MAPKAP1: variants seen among roughly 807,000 people sequenced by gnomAD.
MAPKAP1 encodes MAPK associated protein 1, also known as target of rapamycin complex 2 subunit MAPKAP1.
Under a neutral mutation model 65.7 loss-of-function variants are expected in MAPKAP1, and 20 were observed. The observed-to-expected ratio is 0.30, with a 90% confidence interval of 0.21 to 0.44. MAPKAP1 has a LOEUF of 0.44. Ranked by LOEUF, MAPKAP1 falls within the 20% of genes least tolerant of loss-of-function variation. The pLI is 1.00. For missense variants in MAPKAP1, 423 were observed against 648.0 expected (o/e 0.65, Z 3.77); for synonymous variants, 222 against 244.3 (o/e 0.91, Z 0.85).
chr9:125,543,910 C>T (rs1281986253), intron 6 of MAPKAP1, among the ~76,000 whole-genome samples: 1 of 151,940 alleles, frequency 6.6e-6, no homozygotes, highest in Non-Finnish European at 1.5e-5. Flanking sequence ...TCATGGAGCC[C>T]CAGACAAAAA....
chr9:125,595,573 TGA>T lies in MAPKAP1; in HGVS notation c.499-9848_499-9847del. On this transcript the variant is annotated intron_variant, in intron 4 of 11. Transcript: ENST00000265960. The surrounding 1 kb of genome is among the most constrained non-coding windows in gnomAD (Gnocchi z 4.0). ...GATGGGATTCAGTTCAAAATAATCTTGAATTAAGAAATATCATGCTATGTTTG... is the reference window on the plus strand; with the variant it reads ...GATGGGATTCAGTTCAAAATAATCTTATTAAGAAATATCATGCTATGTTTG... 1 of 1,240,062 alleles carries T rather than the reference TGA, an allele frequency of 8.1e-7. No homozygotes were observed. The highest frequency in any genetic ancestry group is 1.0e-6 in the Non-Finnish European group (1 of 983,546). 76.8% of individuals were successfully genotyped at this position (1,240,062 alleles called of 1,614,324 possible).
chr9:125,696,650 C>T (rs973283260), intron 1 of MAPKAP1, among the ~76,000 whole-genome samples: 2 of 151,818 alleles, frequency 1.3e-5, no homozygotes, highest in African/African-American at 4.8e-5. Context: ...TAGTCAGAAG[C>T]AGCCAACAAA....
chr9:125,447,167 C>T lies in MAPKAP1; in HGVS notation c.1346-2569G>A, dbSNP rs1852749152. On this transcript the variant is annotated intron_variant, in intron 10 of 11. Transcript: ENST00000265960. The surrounding 1 kb of genome is among the most constrained non-coding windows in gnomAD (Gnocchi z 4.5). ...TCTGAATTTTGAATGTATTTGGTTGCATGTGGAGGCTGTGTGTGTCTCCTG... is the reference window on the plus strand; with the variant it reads ...TCTGAATTTTGAATGTATTTGGTTGTATGTGGAGGCTGTGTGTGTCTCCTG... 6.6e-6 allele frequency among the ~76,000 whole-genome samples: 1 copy of T among 152,154 alleles called. No individual in the cohort carries two copies. Among genetic ancestry groups the T allele is most frequent in the South Asian group, 2.1e-4 (1 of 4,832 alleles).
Position 125,457,050 on chromosome 9 carries a change from G to A in MAPKAP1, c.1345+10922C>T, listed in dbSNP as rs574517168. ...GCTGTCCAGGCTGGAGTACAGTGGC[G>A]CGATCCTGGCTCACTGCAACCTCTG... On this transcript the variant is annotated intron_variant, in intron 10 of 11. Coordinates refer to ENST00000265960, the MANE Select transcript of MAPKAP1 (RefSeq NM_001006617.3). 1.6e-4 allele frequency among the ~76,000 whole-genome samples: 24 copies of A among 150,298 alleles called. No individual in the cohort carries two copies. In the South Asian group the frequency reaches 1.9e-3, roughly 12 times the overall value.
intron 4 of MAPKAP1, among the ~76,000 whole-genome samples, chr9:125,612,350 G>A (rs1028532589): frequency 3.9e-5 from 6 of 152,168 alleles, no homozygotes; most frequent in African/African-American, 9.7e-5. Context: ...ATACAGCCAT[G>A]CTCAACGAAT....
At chr9:125,613,926 T>C (rs546244253) in intron 4 of MAPKAP1, among the ~76,000 whole-genome samples, 17 of 152,208 alleles carry the variant, frequency 1.1e-4, no homozygotes, top group African/African-American at 3.4e-4. Flanking sequence ...TCCTCCCCAG[T>C]AGCTGGGACT....
intron 8 of MAPKAP1, among the ~76,000 whole-genome samples, chr9:125,495,524 A>G (rs1854912264): frequency 6.6e-6 from 1 of 152,166 alleles, no homozygotes; most frequent in Admixed American, 6.5e-5. Context: ...CCCCAATTAC[A>G]TTTTCCAATA....
Position 125,630,036 on chromosome 9 carries a change from G to A in MAPKAP1, c.498+27615C>T, listed in dbSNP as rs898327969. On this transcript the variant is annotated intron_variant, in intron 4 of 11. Coordinates refer to ENST00000265960, the MANE Select transcript of MAPKAP1 (RefSeq NM_001006617.3). ...AGTGCACTGAGAGGCAGGGGACACT[G>A]AGCCTAGGGTCAACTAAGGCCTTAG... 4.6e-5 allele frequency among the ~76,000 whole-genome samples: 7 copies of A among 152,246 alleles called. 1 individual carries two copies. The highest frequency in any genetic ancestry group is 6.5e-5 in the Admixed American group (1 of 15,292).
chr9:125,546,052 C>G (rs879274285), intron 6 of MAPKAP1, among the ~76,000 whole-genome samples: 1 of 152,196 alleles, frequency 6.6e-6, no homozygotes, highest in Admixed American at 6.5e-5. Flanking sequence ...TGAATGTTAA[C>G]GATAGTGATC....
At chr9:125,681,761 A>C (rs1834827962) in intron 1 of MAPKAP1, among the ~76,000 whole-genome samples, 1 of 152,202 alleles carries the variant, frequency 6.6e-6, no homozygotes, top group Non-Finnish European at 1.5e-5. Flanking sequence ...ATTTTATACT[A>C]CACTGCACCT....
intron 1 of MAPKAP1, among the ~76,000 whole-genome samples, chr9:125,706,224 G>T (rs1055349372): frequency 6.6e-6 from 1 of 151,936 alleles, no homozygotes; most frequent in African/African-American, 2.4e-5. Flanking sequence ...CACCTCTCCT[G>T]CTTGTCAGAG....
At chr9:125,512,805 G>C (rs183651324) in intron 7 of MAPKAP1, 1 of 152,126 alleles carries the variant, frequency 6.6e-6, no homozygotes, top group Non-Finnish European at 1.5e-5. Context: ...GGATGGTCTC[G>C]ATCTCCTGAC....
chr9:125,502,671 T>C (rs1470784857), intron 8 of MAPKAP1, among the ~76,000 whole-genome samples: 1 of 152,218 alleles, frequency 6.6e-6, no homozygotes, highest in Non-Finnish European at 1.5e-5. Context: ...TTTCAATCTT[T>C]TGATATGTAA....
intron 7 of MAPKAP1, among the ~76,000 whole-genome samples, chr9:125,535,274 C>A (rs1266234571): frequency 6.6e-6 from 1 of 152,204 alleles, no homozygotes; most frequent in Non-Finnish European, 1.5e-5. Context: ...AAGGAGCCAT[C>A]AAATAAATCA....
chr9:125,599,973 G>C (rs1250614918), intron 4 of MAPKAP1: 4 of 152,166 alleles, frequency 2.6e-5, no homozygotes, highest in African/African-American at 9.7e-5. Context: ...AAACAAGAAA[G>C]GAGGTTGCTG....
intron 7 of MAPKAP1, among the ~76,000 whole-genome samples, chr9:125,519,912 T>G (rs148099983): frequency 1.3e-5 from 2 of 152,020 alleles, no homozygotes; most frequent in African/African-American, 4.8e-5. Context: ...CAGGAGTCCA[T>G]CCCTACAGCC....
intron 4 of MAPKAP1, among the ~76,000 whole-genome samples, chr9:125,597,632 T>G (rs1404941114): frequency 6.6e-6 from 1 of 152,192 alleles, no homozygotes; most frequent in Non-Finnish European, 1.5e-5. Flanking sequence ...ATAGACAGCT[T>G]AGCTTCTGCA....
At chr9:125,662,013 A>G (rs1309740741) in intron 3 of MAPKAP1, among the ~76,000 whole-genome samples, 1 of 152,184 alleles carries the variant, frequency 6.6e-6, no homozygotes, top group Non-Finnish European at 1.5e-5. Flanking sequence ...CATGAACAAA[A>G]CAATAGAGAA....
intron 4 of MAPKAP1, among the ~76,000 whole-genome samples, chr9:125,610,982 A>G (rs141415360): frequency 3.6e-4 from 55 of 152,384 alleles, no homozygotes; most frequent in African/African-American, 1.1e-3. Flanking sequence ...GAAGCAAAAT[A>G]TAAAATAAAT....
Sources: gnomAD v4.1 joint callset for allele counts (sites outside exome capture counted in the v4.1 genomes callset) on GRCh38, gnomAD v4.1.1 for gene constraint, Gnocchi (gnomAD v3.1) non-coding constraint, MANE v1.5 for transcripts, NCBI Gene and HGNC (gene_info 2026-07-23, HGNC 2026-07-21) for gene names.